Variants in HFM1 observed in about 807,000 individuals in gnomAD.
The protein encoded by HFM1 is probable ATP-dependent DNA helicase HFM1.
HFM1 carries 169 observed loss-of-function variants against 192.1 expected under a neutral mutation model. The observed-to-expected ratio is 0.88, with a 90% CI of 0.78 to 1.00. HFM1 has a LOEUF of 1.00. HFM1 is among the 50% of genes least tolerant of loss of function. The pLI is 0.00. For synonymous variants in HFM1, 525 were observed against 537.8 expected (o/e 0.98, Z 0.33); for missense variants, 1,661 against 1,668.0 (o/e 1.00, Z 0.07).
At chr1:91,349,693 A>G (rs1656669082) in intron 18 of HFM1, among the ~76,000 whole-genome samples, 1 of 152,214 alleles carries the variant, frequency 6.6e-6, no homozygotes, top group African/African-American at 2.4e-5. Context: ...CCTAGCTGAC[A>G]TATGTTGCAA....
chr1:91,363,890 A>T (rs1380386020), intron 13 of HFM1, among the ~76,000 whole-genome samples: 1 of 152,200 alleles, frequency 6.6e-6, no homozygotes, highest in Admixed American at 6.5e-5. Context: ...TTGCAGAGAC[A>T]TGGATGGAGA....
chr1:91,316,943 G>T (rs1651320933), intron 25 of HFM1, among the ~76,000 whole-genome samples: 1 of 152,072 alleles, frequency 6.6e-6, no homozygotes, highest in African/African-American at 2.4e-5. Context: ...TTAATCTACT[G>T]CCTAAAACTT....
At chr1:91,377,393 T>G (rs1661029223) in intron 11 of HFM1, 1 of 151,972 alleles carries the variant, frequency 6.6e-6, no homozygotes, top group African/African-American at 2.4e-5. Context: ...AAACCAGTAT[T>G]ATAGTAGGCT....
intron 23 of HFM1, among the ~76,000 whole-genome samples, chr1:91,321,604 T>C (rs1652122148): frequency 6.6e-6 from 1 of 152,152 alleles, no homozygotes; most frequent in African/African-American, 2.4e-5. Flanking sequence ...AAAAGGTAAC[T>C]ATTAGCCATC....
rs536955776 is a variant in HFM1, at chr1:91,390,707, C to T, written c.494+3386G>A. Reference sequence around the variant, plus strand: ...TGAAAACTGGCACAAGACAGGGATGCCCTCTCTCACCACTCCTATTCAACA... The same window carrying T: ...TGAAAACTGGCACAAGACAGGGATGTCCTCTCTCACCACTCCTATTCAACA... On this transcript the variant is annotated intron_variant, in intron 4 of 38. Coordinates refer to ENST00000370425, the MANE Select transcript of HFM1 (RefSeq NM_001017975.6). Among the ~76,000 whole-genome samples the T allele has an allele frequency of 7.9e-5, 12 of 152,192 alleles. No individual in the cohort carries two copies. The East Asian group carries it at 2.3e-3, about 30-fold the overall frequency.
rs190744162 is a variant in HFM1, at chr1:91,361,772, T to C, written c.1686-8473A>G. On this transcript the variant is annotated intron_variant, in intron 13 of 38. Coordinates refer to ENST00000370425, the MANE Select transcript of HFM1 (RefSeq NM_001017975.6). ...AAAAAAGGAAAACGTCAGGCCAATA[T>C]CCTTAATGAACACTGATGCAAAAAG... 3.9e-5 allele frequency among the ~76,000 whole-genome samples: 6 copies of C among 152,162 alleles called. No homozygotes were observed. In the East Asian group the frequency reaches 1.2e-3, roughly 29 times the overall value.
chr1:91,381,805 T>C (rs2102019341), intron 6 of HFM1, among the ~76,000 whole-genome samples: 1 of 152,320 alleles, frequency 6.6e-6, no homozygotes, highest in East Asian at 1.9e-4. Context: ...GTTAAGAACA[T>C]ATCTGAGAAC....
At chr1:91,405,993 T>C (rs749621996), upstream of HFM1, among the ~76,000 whole-genome samples, 1 of 152,210 alleles carries the variant, frequency 6.6e-6, no homozygotes, top group Admixed American at 6.5e-5. Flanking sequence ...TTGAAATTCA[T>C]ACATTGAATT....
chr1:91,396,770 A>T (rs17131425), intron 2 of HFM1, among the ~76,000 whole-genome samples: 5,406 of 152,278 alleles, frequency 0.036, 308 homozygotes, highest in African/African-American at 0.12. Flanking sequence ...GACATATCTC[A>T]CAACTAATCA....
At chr1:91,395,476 G>A (rs1428580852) in intron 3 of HFM1, among the ~76,000 whole-genome samples, 2 of 152,018 alleles carry the variant, frequency 1.3e-5, no homozygotes, top group Admixed American at 6.6e-5. Context: ...ATTTAGAGAT[G>A]AGGAGGATCT....
intron 25 of HFM1, 83 bp from the exon 26 acceptor site, chr1:91,316,559 G>A (rs1651253817): frequency 5.5e-6 from 3 of 545,140 alleles, no homozygotes; most frequent in Non-Finnish European, 5.8e-6. Context: ...AACTAAATTA[G>A]TAAAAAAAAA....
In HFM1 at chr1:91,286,652, G is replaced by T. The variant is rs534303232; in HGVS notation, c.3392-9590C>A. On this transcript the variant is annotated intron_variant, in intron 30 of 38. Coordinates refer to ENST00000370425, the MANE Select transcript of HFM1 (RefSeq NM_001017975.6). Reference sequence around the variant, plus strand: ...CAGATAAGATCACATTCACGACCGAGGAGCCAAGATGGCCGAATAGGAACA... The same window carrying T: ...CAGATAAGATCACATTCACGACCGATGAGCCAAGATGGCCGAATAGGAACA... 5.3e-5 allele frequency among the ~76,000 whole-genome samples: 8 copies of T among 151,928 alleles called. No homozygotes were observed. The South Asian group carries it at 1.7e-3, about 32-fold the overall frequency.
At chr1:91,382,024 G>A (rs1661605808) in intron 6 of HFM1, among the ~76,000 whole-genome samples, 2 of 151,878 alleles carry the variant, frequency 1.3e-5, no homozygotes, top group South Asian at 2.1e-4. Flanking sequence ...TTATCTCTCT[G>A]ACATCATGTC....
At position 91,275,463 on chromosome 1, in the gene HFM1, A is replaced by G. The variant is rs138985836; in HGVS notation, c.3589-654T>C. ...CAAACAGTTATATCCAGCTGTCTGT[A>G]GGACATCCTTAGCTAGACATCTTGC... On this transcript the variant is annotated intron_variant, in intron 32 of 38. Coordinates refer to ENST00000370425, the MANE Select transcript of HFM1 (RefSeq NM_001017975.6). 4.5e-4 allele frequency among the ~76,000 whole-genome samples: 69 copies of G among 152,300 alleles called. No individual in the cohort carries two copies. The East Asian group carries it at 0.011, about 24-fold the overall frequency.
intron 36 of HFM1, among the ~76,000 whole-genome samples, chr1:91,264,390 T>TTTTTTTTTTTTTTTA (rs1665512630): frequency 8.7e-6 from 1 of 115,264 alleles, no homozygotes; most frequent in Admixed American, 8.8e-5. Context: ...TTTTTTTTTT[T>TTTTTTTTTTTTTTTA]GAGACGGAGT....
At chr1:91,309,368 G>A (rs1343271526) in intron 30 of HFM1, among the ~76,000 whole-genome samples, 1 of 152,108 alleles carries the variant, frequency 6.6e-6, no homozygotes, top group African/African-American at 2.4e-5. Flanking sequence ...CCATGTAAAT[G>A]TTTTACATTA....
intron 13 of HFM1, among the ~76,000 whole-genome samples, chr1:91,374,521 A>C (rs938658445): frequency 6.6e-6 from 1 of 152,156 alleles, no homozygotes; most frequent in Non-Finnish European, 1.5e-5. Flanking sequence ...TATTTGAGAT[A>C]TATTTAGAAG....
At chr1:91,321,006 G>C (rs1652018038) in intron 23 of HFM1, among the ~76,000 whole-genome samples, 1 of 152,128 alleles carries the variant, frequency 6.6e-6, no homozygotes, top group South Asian at 2.1e-4. Context: ...ATCCAGAGTT[G>C]GGAAGTCCAG....
At position 91,380,922 on chromosome 1, in the gene HFM1, G is replaced by T; in HGVS notation, c.863C>A (p.Ala288Asp). 7.1e-7 allele frequency: 1 copy of T among 1,404,588 alleles called. No homozygotes were observed. The highest frequency in any genetic ancestry group is 1.0e-6 in the Non-Finnish European group (1 of 995,598). 87.0% of individuals were successfully genotyped at this position (1,404,588 alleles called of 1,614,324 possible). The change falls in exon 7 of 39, where the codon GCC (alanine) becomes GAC (aspartate). Residue 288 changes from alanine to aspartate, a missense_variant. Transcript: ENST00000370425. ...FPYFNYIQSK[A>D]FDDLLYTDRN... Reference sequence around the variant, plus strand: ...AAATAAAATACTTACATCATCAAAGGCCTTGGACTGTATATAGTTGAAATA... The same window carrying T: ...AAATAAAATACTTACATCATCAAAGTCCTTGGACTGTATATAGTTGAAATA...
Sources: gnomAD v4.1 joint callset for allele counts (sites outside exome capture counted in the v4.1 genomes callset) on GRCh38, gnomAD v4.1.1 for gene constraint, MANE v1.5 for transcripts, NCBI Gene and HGNC (gene_info 2026-07-23, HGNC 2026-07-21) for gene names.